MELK: variants seen among roughly 807,000 people sequenced by gnomAD.
MELK encodes maternal embryonic leucine zipper kinase.
In MELK, 81 loss-of-function variants were observed where a neutral mutation model predicts 85.0. That is an observed-to-expected ratio of 0.95 (90% CI 0.80 to 1.15). The LOEUF (loss-of-function observed/expected upper bound fraction) is 1.15, where lower values mean the gene tolerates loss of function less well. MELK is among the 50% of genes most tolerant of loss of function. The pLI, the probability that MELK is intolerant of heterozygous loss-of-function variation, is 0.00. For synonymous variants in MELK, 252 were observed against 265.0 expected (o/e 0.95, Z 0.48); for missense variants, 754 against 777.5 (o/e 0.97, Z 0.36).
intron 11 of MELK, among the ~76,000 whole-genome samples, chr9:36,650,017 C>G (rs1830562064): frequency 6.6e-6 from 1 of 151,960 alleles, no homozygotes; most frequent in Non-Finnish European, 1.5e-5. Context: ...GATCTCTGCT[C>G]ACTGCAAGCT....
chr9:36,629,744 GT>G (rs1828331104), intron 8 of MELK, among the ~76,000 whole-genome samples: 1 of 150,834 alleles, frequency 6.6e-6, no homozygotes, highest in Non-Finnish European at 1.5e-5. Context: ...GTTTTCTACT[GT>G]TATGTTCTTT....
Position 36,630,181 on chromosome 9 carries a change from A to G in MELK, c.667-118A>G. On this transcript the variant is annotated intron_variant, in intron 8 of 17. Coordinates refer to ENST00000298048, the MANE Select transcript of MELK (RefSeq NM_014791.4). Reference sequence around the variant, plus strand: ...TTTTTTTAGTTAATAATGTTTACCAAGTATTGTAGTTGGGTGAAGTCTTCA... The same window carrying G: ...TTTTTTTAGTTAATAATGTTTACCAGGTATTGTAGTTGGGTGAAGTCTTCA... 4.0e-6 allele frequency: 3 copies of G among 758,430 alleles called. No homozygotes were observed. The South Asian group carries it at 5.0e-5, about 13-fold the overall frequency. The allele number at this position is 758,430 out of a possible 1,614,324, so 47.0% of individuals were successfully genotyped here.
chr9:36,621,055 G>A (rs1279454146), intron 8 of MELK, among the ~76,000 whole-genome samples: 1 of 151,492 alleles, frequency 6.6e-6, no homozygotes, highest in Non-Finnish European at 1.5e-5. Flanking sequence ...CGAATCACGA[G>A]GTCAGGAGCT....
chr9:36,583,481 A>G (rs1456719394), intron 2 of MELK, 146 bp from the exon 3 acceptor site: 4 of 435,758 alleles, frequency 9.2e-6, no homozygotes, highest in African/African-American at 6.0e-5. Flanking sequence ...TCAGCTAGAC[A>G]TTGGATAACA....
intron 17 of MELK, 36 bp downstream of exon 17, chr9:36,674,973 G>A: frequency 6.8e-7 from 1 of 1,462,916 alleles, no homozygotes; most frequent in South Asian, 1.2e-5. Flanking sequence ...GCATTTATTA[G>A]TATCTTTTGG....
chr9:36,595,797 T>C (rs900756185), intron 5 of MELK, among the ~76,000 whole-genome samples: 1 of 151,748 alleles, frequency 6.6e-6, no homozygotes, highest in African/African-American at 2.4e-5. Context: ...ATTTTATATA[T>C]GTATGTATGT....
At chr9:36,665,303 G>C in intron 13 of MELK, 47 bp from the exon 14 acceptor site, 1 of 1,173,380 alleles carries the variant, frequency 8.5e-7, no homozygotes, top group Non-Finnish European at 1.2e-6. Flanking sequence ...TAAAGAAATT[G>C]ACTTTTCTTC....
intron 12 of MELK, among the ~76,000 whole-genome samples, chr9:36,653,208 G>A (rs1171932140): frequency 6.6e-6 from 1 of 152,136 alleles, no homozygotes; most frequent in African/African-American, 2.4e-5. Context: ...GTACAGTGGT[G>A]TGATCATGGC....
chr9:36,621,023 C>G (rs1356071841), intron 8 of MELK, among the ~76,000 whole-genome samples: 2 of 151,708 alleles, frequency 1.3e-5, no homozygotes, highest in African/African-American at 4.8e-5. Flanking sequence ...GCAATCCCAG[C>G]ACTTTGGGAG....
In MELK at chr9:36,676,602, T is replaced by G. The variant is rs1328707922; in HGVS notation, c.1779-558T>G. Among the ~76,000 whole-genome samples, 13 of 152,220 alleles carry G rather than the reference T, an allele frequency of 8.5e-5. No homozygotes were observed. In the East Asian group the frequency reaches 2.5e-3, roughly 29 times the overall value. ...TACCATTTCCTTGGGCTTTTTCTTC[T>G]GCTTTTCTTTCTGCCATAAAGTGAT... is the stretch of plus-strand genomic sequence containing the variant. On this transcript the variant is annotated intron_variant, in intron 17 of 17. Transcript: ENST00000298048.
At chr9:36,581,592 G>C (rs1822245027) in intron 1 of MELK, 52 bp from the exon 2 acceptor site, 5 of 881,382 alleles carry the variant, frequency 5.7e-6, no homozygotes, top group Non-Finnish European at 9.2e-6. Context: ...AAGAATGGAG[G>C]AGATGATCCG....
chr9:36,645,016 G>A (rs1222053079), intron 11 of MELK, among the ~76,000 whole-genome samples: 1 of 151,624 alleles, frequency 6.6e-6, no homozygotes, highest in Non-Finnish European at 1.5e-5. Flanking sequence ...TGCCTGTAAT[G>A]TCAGCACTTT....
rs1484482751 is a variant in MELK, at chr9:36,665,393, CATT to C, written c.1222_1224del (p.Leu408del). 2 of 1,613,266 alleles carry C rather than the reference CATT, an allele frequency of 1.2e-6. No homozygotes were observed. The highest frequency in any genetic ancestry group is 1.7e-6 in the Non-Finnish European group (2 of 1,179,706). ...GAATCAAATGGGGTGGAATCTAAAT[CATT>C]AACTCCAGCCTTATGCAGAACACCT... On this transcript the variant is annotated inframe_deletion, in exon 14 of 18. Transcript: ENST00000298048.
chr9:36,628,838 A>T (rs1276048440), intron 8 of MELK, among the ~76,000 whole-genome samples: 1 of 151,202 alleles, frequency 6.6e-6, no homozygotes, highest in African/African-American at 2.4e-5. Context: ...TACTTTCTTT[A>T]AGTACTCTTA....
rs569018135 is a variant in MELK, at chr9:36,649,140, A to G, written c.922-2606A>G. On this transcript the variant is annotated intron_variant, in intron 11 of 17. Transcript: ENST00000298048. Reference sequence around the variant, plus strand: ...AATCTAAAATGTGACCACAGAAATTAAAAGCTCAGTAAAAGTGTTTGAAAA... The same window carrying G: ...AATCTAAAATGTGACCACAGAAATTGAAAGCTCAGTAAAAGTGTTTGAAAA... Among the ~76,000 whole-genome samples, 5 of 152,332 alleles carry G rather than the reference A, an allele frequency of 3.3e-5. No homozygotes were observed. In the South Asian group the frequency reaches 1.0e-3, roughly 32 times the overall value.
intron 1 of MELK, among the ~76,000 whole-genome samples, chr9:36,573,743 G>T (rs778978234): frequency 2.0e-5 from 3 of 152,172 alleles, no homozygotes; most frequent in Admixed American, 1.3e-4. Context: ...GTGTCCTCAG[G>T]TGATCCGCCC....
At chr9:36,588,449 G>C (rs1340372601) in intron 3 of MELK, among the ~76,000 whole-genome samples, 1 of 144,198 alleles carries the variant, frequency 6.9e-6, no homozygotes, top group Admixed American at 7.0e-5. Flanking sequence ...GCATGATCTC[G>C]GCTCACCGCA....
intron 13 of MELK, among the ~76,000 whole-genome samples, chr9:36,661,368 G>A (rs1302241247): frequency 6.6e-6 from 1 of 152,128 alleles, no homozygotes; most frequent in Non-Finnish European, 1.5e-5. Flanking sequence ...ATAGATTTCA[G>A]TTTTTCCCAA....
At chr9:36,624,153 G>A (rs1198311665) in intron 8 of MELK, among the ~76,000 whole-genome samples, 2 of 148,418 alleles carry the variant, frequency 1.3e-5, no homozygotes, top group African/African-American at 5.0e-5. Flanking sequence ...GCGTGATCTC[G>A]GCTCACTGTA....
Sources: allele counts gnomAD v4.1 joint callset (sites outside exome capture counted in the v4.1 genomes callset), GRCh38; gene constraint gnomAD v4.1.1; transcripts MANE v1.5; gene names NCBI Gene and HGNC (gene_info 2026-07-23, HGNC 2026-07-21).